Variants in WDR35 observed in about 807,000 individuals in gnomAD.
The protein encoded by WDR35 is WD repeat-containing protein 35.
In WDR35, 118 loss-of-function variants were observed where a neutral mutation model predicts 158.3. That is an observed-to-expected ratio of 0.75 (90% CI 0.64 to 0.87). WDR35 has a LOEUF of 0.87. WDR35 is among the 40% of genes least tolerant of loss of function. WDR35 has a pLI of 0.00. For missense variants in WDR35, 1,263 were observed against 1,405.8 expected, an observed-to-expected ratio of 0.90 and a Z score of 1.62; for synonymous variants, 448 against 476.1, an observed-to-expected ratio of 0.94 and a Z score of 0.77.
intron 25 of WDR35, among the ~76,000 whole-genome samples, chr2:19,929,470 G>A (rs1670461059): frequency 1.3e-5 from 2 of 152,138 alleles, no homozygotes; most frequent in Non-Finnish European, 2.9e-5. Context: ...GCTTGCCATG[G>A]CCAAGCTGAA....
chr2:19,964,635 C>G (rs1288817816), intron 10 of WDR35, among the ~76,000 whole-genome samples: 1 of 151,290 alleles, frequency 6.6e-6, no homozygotes, highest in Admixed American at 6.6e-5. Context: ...CTGCCCACCT[C>G]GGCCTCCCAA....
intron 25 of WDR35, 125 bp from the exon 26 acceptor site, chr2:19,914,402 G>T: frequency 1.6e-6 from 2 of 1,235,120 alleles, no homozygotes; most frequent in East Asian, 5.0e-5. Flanking sequence ...AGCAAACAGT[G>T]TTGAGAGATG....
intron 16 of WDR35, among the ~76,000 whole-genome samples, chr2:19,944,160 C>T (rs1323200467): frequency 2.6e-5 from 4 of 151,982 alleles, no homozygotes; most frequent in Non-Finnish European, 2.9e-5. Context: ...AGCCAGTGTC[C>T]TTGTGAATGA....
At position 19,959,063 on chromosome 2, in the gene WDR35, T is replaced by C. The variant is rs1671546852; in HGVS notation, c.1255+1491A>G. Among the ~76,000 whole-genome samples the C allele has an allele frequency of 2.0e-5, 3 of 151,980 alleles. No individual in the cohort carries two copies. In the South Asian group the frequency reaches 6.2e-4, roughly 31 times the overall value. On this transcript the variant is annotated intron_variant, in intron 11 of 26. Coordinates refer to ENST00000281405, the MANE Select transcript of WDR35 (RefSeq NM_020779.4). ...TAAAAAAGAAATTTTACAGGATATG[T>C]ATGAAACAAAAATGTTGAGTCTTTG...
chr2:19,941,682 C>A, intron 17 of WDR35, 77 bp downstream of exon 17: 1 of 1,115,292 alleles, frequency 9.0e-7, no homozygotes, highest in Admixed American at 2.1e-5. Context: ...ACACTGCTAA[C>A]CAGGATACTA....
In WDR35 at chr2:19,911,061, G is replaced by C. The variant is rs1301139901; in HGVS notation, c.*2497C>G. 1.3e-5 allele frequency: 2 copies of C among 152,144 alleles called. No individual in the cohort carries two copies. Among genetic ancestry groups the C allele is most frequent in the Non-Finnish European group, 2.9e-5 (2 of 68,040 alleles). 9.4% of individuals were successfully genotyped at this position (152,144 alleles called of 1,614,324 possible). A position where few individuals can be genotyped will look rare whatever the true frequency, so the allele number is the denominator to read the frequency against. The stretch of plus-strand genomic sequence containing the variant: ...CTAGATATTGTTTAAATATCAACTA[G>C]ATCCAGCAACTTAGGATCTACCTGG... On this transcript the variant is annotated 3_prime_UTR_variant, in exon 27 of 27. Transcript: ENST00000281405.
intron 25 of WDR35, among the ~76,000 whole-genome samples, chr2:19,922,434 C>G (rs932009324): frequency 4.6e-5 from 7 of 152,120 alleles, no homozygotes; most frequent in African/African-American, 1.4e-4. Flanking sequence ...GTGGATGAAG[C>G]TGGAAACCAT....
At position 19,937,842 on chromosome 2, in the gene WDR35, A is replaced by C; in HGVS notation, c.2168T>G (p.Leu723Trp). The part of the protein sequence containing the change: ...DYQGIKFVKR[L>W]GKLLSESMKQ... ...CATTGACTCACTCAGTAGTTTGCCCAAGCGCTTCACAAACTTAATGCCTTG... is the reference window on the plus strand; with the variant it reads ...CATTGACTCACTCAGTAGTTTGCCCCAGCGCTTCACAAACTTAATGCCTTG... The change falls in exon 19 of 27, where the codon TTG (leucine) becomes TGG (tryptophan). Residue 723 changes from leucine to tryptophan, a missense_variant. Leu to Trp is a moderately conservative substitution (Grantham distance 61, BLOSUM62 -2). Coordinates refer to ENST00000281405, the MANE Select transcript of WDR35 (RefSeq NM_020779.4). The C allele has an allele frequency of 1.2e-6, 2 of 1,614,162 alleles. No homozygotes were observed. Among genetic ancestry groups the C allele is most frequent in the South Asian group, 1.1e-5 (1 of 91,082 alleles).
chr2:19,944,533 T>C (rs1670984518), intron 16 of WDR35, among the ~76,000 whole-genome samples: 1 of 152,166 alleles, frequency 6.6e-6, no homozygotes. Flanking sequence ...TCCTCAAGGT[T>C]ATCCTGTGGA....
chr2:19,976,723 T>C (rs1416282787), intron 5 of WDR35, among the ~76,000 whole-genome samples: 1 of 151,050 alleles, frequency 6.6e-6, no homozygotes, highest in Non-Finnish European at 1.5e-5. Context: ...CCCTCCTTCT[T>C]GAACTCTCTT....
At position 19,983,961 on chromosome 2, in the gene WDR35, C is replaced by T. The variant is rs192410322; in HGVS notation, c.143-1427G>A. Reference sequence around the variant, plus strand: ...AATATTCTAAAATATTTGGTGGAAACATTTTTCTTAACTTCTAGCACTGAA... The same window carrying T: ...AATATTCTAAAATATTTGGTGGAAATATTTTTCTTAACTTCTAGCACTGAA... On this transcript the variant is annotated intron_variant, in intron 2 of 26. Transcript: ENST00000281405. Among the ~76,000 whole-genome samples, 475 of 147,670 alleles carry T rather than the reference C, an allele frequency of 3.2e-3. 5 individuals are homozygous for T. The highest frequency in any genetic ancestry group is 0.011 in the African/African-American group (456 of 39,662).
At chr2:19,979,060 T>C (rs1672303948) in intron 4 of WDR35, among the ~76,000 whole-genome samples, 181 bp from the exon 5 acceptor site, 1 of 152,188 alleles carries the variant, frequency 6.6e-6, no homozygotes, top group Non-Finnish European at 1.5e-5. Context: ...AAAATTAACT[T>C]GGGCTTAACT....
At chr2:19,982,975 T>G (rs1191710480) in intron 2 of WDR35, among the ~76,000 whole-genome samples, 3 of 152,228 alleles carry the variant, frequency 2.0e-5, no homozygotes, top group Non-Finnish European at 4.4e-5. Flanking sequence ...CACTGTGCTA[T>G]GCATTACAAA....
At position 19,953,827 on chromosome 2, in the gene WDR35, GA is replaced by G. The variant is rs779158561; in HGVS notation, c.1400+6del. On this transcript the variant is annotated splice_donor_region_variant and intron_variant, in intron 12 of 26. Coordinates refer to ENST00000281405, the MANE Select transcript of WDR35 (RefSeq NM_020779.4). ...AGCTACTAAAAAGTATGTATCAAAA[GA>G]TATACCTTTCTCTCCCTTCTTTTCG... The G allele has an allele frequency of 5.6e-6, 9 of 1,613,844 alleles. No individual in the cohort carries two copies. The African/African-American group carries it at 1.2e-4, about 22-fold the overall frequency.
At chr2:19,947,169 A>C (rs1443580767) in intron 14 of WDR35, among the ~76,000 whole-genome samples, 3 of 152,224 alleles carry the variant, frequency 2.0e-5, no homozygotes, top group Non-Finnish European at 4.4e-5. Context: ...ATCAACAGTA[A>C]GTATAATGCC....
intron 8 of WDR35, 61 bp downstream of exon 8, chr2:19,973,502 C>G: frequency 6.2e-7 from 1 of 1,606,270 alleles, no homozygotes; most frequent in Non-Finnish European, 8.5e-7. Flanking sequence ...TTATTTTTTC[C>G]TCTACCTTAC....
chr2:19,961,316 C>A (rs770606368), intron 10 of WDR35, among the ~76,000 whole-genome samples: 5 of 152,172 alleles, frequency 3.3e-5, no homozygotes, highest in Non-Finnish European at 7.3e-5. Context: ...AAAAATGAAT[C>A]TCATCTTGTT....
chr2:19,967,826 T>C (rs886766858), intron 9 of WDR35, among the ~76,000 whole-genome samples: 1 of 152,194 alleles, frequency 6.6e-6, no homozygotes, highest in African/African-American at 2.4e-5. Flanking sequence ...TACTTTACCA[T>C]GGTACATTTG....
rs745634789 is a variant in WDR35 at position 19,966,814 on chromosome 2, T to C, written c.1104A>G (p.Lys368=). The part of the protein sequence containing the change: ...VVFWDTKNNE[K]YVKYVKGLIS... Reference sequence around the variant, plus strand: ...TGAGACCCTTCACATATTTAACATATTTTTCATTGTTTTTCGTATCCCAGA... The same window carrying C: ...TGAGACCCTTCACATATTTAACATACTTTTCATTGTTTTTCGTATCCCAGA... The change falls in exon 10 of 27, where the codon AAA becomes AAG. Residue 368 remains lysine (K), a synonymous_variant. Coordinates refer to ENST00000281405, the MANE Select transcript of WDR35 (RefSeq NM_020779.4). 9.3e-6 allele frequency: 15 copies of C among 1,613,796 alleles called. No homozygotes were observed. Among genetic ancestry groups the C allele is most frequent in the African/African-American group, 1.3e-5 (1 of 74,876 alleles).
Sources: gnomAD v4.1 joint callset for allele counts (sites outside exome capture counted in the v4.1 genomes callset) on GRCh38, gnomAD v4.1.1 for gene constraint, MANE v1.5 for transcripts, NCBI Gene and HGNC (gene_info 2026-07-23, HGNC 2026-07-21) for gene names.